Variants in SIPA1L1 observed in about 807,000 individuals in gnomAD.
SIPA1L1 encodes signal-induced proliferation-associated 1-like protein 1.
Under a neutral mutation model 162.7 loss-of-function variants are expected in SIPA1L1, and 26 were observed. The ratio of observed to expected loss-of-function variants is 0.16; its 90% CI spans 0.12 to 0.22. The LOEUF (loss-of-function observed/expected upper bound fraction) is 0.22. Among genes scored for constraint, SIPA1L1 ranks in the 10% least tolerant of loss-of-function variants. The pLI, the probability that SIPA1L1 is intolerant of heterozygous loss-of-function variation, is 1.00. For synonymous variants in SIPA1L1, 829 were observed against 837.4 expected, an observed-to-expected ratio of 0.99 and a Z score of 0.17; for missense variants, 1,874 against 2,241.0, an observed-to-expected ratio of 0.84 and a Z score of 3.31.
At chr14:71,700,175 G>A (rs2081976190) in intron 14 of SIPA1L1, among the ~76,000 whole-genome samples, 2 of 152,174 alleles carry the variant, frequency 1.3e-5, no homozygotes, top group African/African-American at 4.8e-5. Flanking sequence ...TTTAAAACCA[G>A]AGGGCCAGAA....
In SIPA1L1 at chr14:71,724,709, G is replaced by T. The variant is rs1196551658; in HGVS notation, c.4488G>T (p.Arg1496Ser). ...ATGGCAATGAAATAGCCCACACCAG[G>T]CTGCGTGCCTCAACCAGAGACCTCC... ...QSDGNEIAHTRLRASTRDLRA... is the reference protein window; with the variant it reads ...QSDGNEIAHTSLRASTRDLRA... Residue 1496 changes from arginine (R) to serine (S), a missense_variant, in exon 19 of 24, where the codon AGG (arginine) becomes AGT (serine). Physicochemically the swap from Arg to Ser is moderately radical, Grantham distance 110. This residue lies in a region of SIPA1L1 where 936 missense variants were observed against 1,051.9 expected (regional missense o/e 0.89). Transcript: ENST00000381232. 1 of 1,614,096 alleles carries T rather than the reference G, an allele frequency of 6.2e-7. No homozygotes were observed.
chr14:71,392,768 C>T (rs578133882), intron 2 of SIPA1L1, among the ~76,000 whole-genome samples: 18 of 152,266 alleles, frequency 1.2e-4, no homozygotes, highest in Admixed American at 2.6e-4. Flanking sequence ...CTCCTAACCT[C>T]GTGATCTGCC....
intron 5 of SIPA1L1, among the ~76,000 whole-genome samples, chr14:71,618,487 C>A (rs1372651389): frequency 6.6e-6 from 1 of 152,132 alleles, no homozygotes; most frequent in Non-Finnish European, 1.5e-5. Context: ...GGAGAAAATA[C>A]AAATTTATTT....
chr14:71,611,554 C>T (rs574298181), intron 5 of SIPA1L1, among the ~76,000 whole-genome samples: 1 of 146,362 alleles, frequency 6.8e-6, no homozygotes, highest in South Asian at 2.1e-4. Flanking sequence ...TAATCCTCCC[C>T]TTGACCCCCA....
At position 71,636,167 on chromosome 14, in the gene SIPA1L1, G is replaced by A. The variant is rs536555097; in HGVS notation, c.1818+11931G>A. Among the ~76,000 whole-genome samples the A allele has an allele frequency of 7.9e-5, 12 of 152,282 alleles. No individual in the cohort carries two copies. The South Asian group carries it at 2.5e-3, about 32-fold the overall frequency. ...GAAAGGAAAACTAGACAGAAAATCAGCAAAGACATAGAACTTCACAACATC... is the reference window on the plus strand; with the variant it reads ...GAAAGGAAAACTAGACAGAAAATCAACAAAGACATAGAACTTCACAACATC... On this transcript the variant is annotated intron_variant, in intron 7 of 23. Coordinates refer to ENST00000381232, the MANE Select transcript of SIPA1L1 (RefSeq NM_001386936.1).
chr14:71,549,193 A>G (rs2055550784), intron 4 of SIPA1L1, among the ~76,000 whole-genome samples: 1 of 152,226 alleles, frequency 6.6e-6, no homozygotes. Flanking sequence ...CAGGGGGCCC[A>G]CAGTGACAGG....
In SIPA1L1 at chr14:71,493,193, A is replaced by G. The variant is rs1016505699; in HGVS notation, c.-464-19550A>G. ...CTGCAGCCTTGAACTCCTGGGCCCA[A>G]GCAATTTTCCTGCCTCAGCCTCCTG... On this transcript the variant is annotated intron_variant, in intron 2 of 23. Coordinates refer to ENST00000381232, the MANE Select transcript of SIPA1L1 (RefSeq NM_001386936.1). Among the ~76,000 whole-genome samples the G allele has an allele frequency of 2.6e-5, 4 of 152,044 alleles. No homozygotes were observed. In the South Asian group the frequency reaches 8.3e-4, roughly 32 times the overall value.
chr14:71,379,649 A>G (rs1007531231), intron 2 of SIPA1L1: 2 of 152,270 alleles, frequency 1.3e-5, no homozygotes, highest in Non-Finnish European at 2.9e-5. Flanking sequence ...TTTAAAATAT[A>G]AAACACTAAT....
chr14:71,518,743 C>G (rs1229080975), intron 3 of SIPA1L1, among the ~76,000 whole-genome samples: 3 of 152,010 alleles, frequency 2.0e-5, no homozygotes, highest in Non-Finnish European at 2.9e-5. Context: ...GAGTTCAGCA[C>G]CAGCCTGGGC....
chr14:71,567,363 A>G (rs372689319), intron 4 of SIPA1L1, among the ~76,000 whole-genome samples: 14 of 152,362 alleles, frequency 9.2e-5, no homozygotes, highest in African/African-American at 3.1e-4. Flanking sequence ...ACATCAGTCA[A>G]CAAATTCTGG....
intron 2 of SIPA1L1, among the ~76,000 whole-genome samples, chr14:71,353,862 G>T (rs1006949960): frequency 6.6e-6 from 1 of 151,960 alleles, no homozygotes. Flanking sequence ...ACGGGCAGAA[G>T]GTGCAGAAGA....
intron 7 of SIPA1L1, among the ~76,000 whole-genome samples, chr14:71,645,957 T>A (rs138526537): frequency 4.3e-4 from 66 of 152,304 alleles, no homozygotes; most frequent in Middle Eastern, 6.8e-3. Context: ...TTCATAAGAA[T>A]GTAAGAATTG....
chr14:71,719,062 C>G (rs1258886137), intron 17 of SIPA1L1, among the ~76,000 whole-genome samples: 1 of 152,092 alleles, frequency 6.6e-6, no homozygotes, highest in Non-Finnish European at 1.5e-5. Flanking sequence ...CCTCAGCCCC[C>G]CAAGTAGCTG....
chr14:71,347,380 G>T (rs2036277635), intron 2 of SIPA1L1, among the ~76,000 whole-genome samples: 1 of 151,924 alleles, frequency 6.6e-6, no homozygotes, highest in Admixed American at 6.6e-5. Flanking sequence ...ATAACATTTT[G>T]TTTTTTTCTG....
At chr14:71,471,791 G>A (rs1296211601) in intron 2 of SIPA1L1, among the ~76,000 whole-genome samples, 1 of 152,188 alleles carries the variant, frequency 6.6e-6, no homozygotes, top group African/African-American at 2.4e-5. Flanking sequence ...TGGGAGAGAT[G>A]TTATCTAGAG....
Position 71,557,850 on chromosome 14 carries a change from T to C in SIPA1L1, c.-303+28480T>C, listed in dbSNP as rs529740340. Among the ~76,000 whole-genome samples the C allele has an allele frequency of 1.6e-4, 25 of 152,332 alleles. No homozygotes were observed. In the South Asian group the frequency reaches 5.0e-3, roughly 30 times the overall value. On this transcript the variant is annotated intron_variant, in intron 4 of 23. Transcript: ENST00000381232. ...TGATAACTGCTATATTTCTAATTTG[T>C]ACAAGTTCAATTTTTTAGAAATATA... is the stretch of plus-strand genomic sequence containing the variant.
chr14:71,455,419 T>C (rs917109104), intron 2 of SIPA1L1, among the ~76,000 whole-genome samples: 1 of 152,224 alleles, frequency 6.6e-6, no homozygotes, highest in African/African-American at 2.4e-5. Flanking sequence ...TGCTTGTTTA[T>C]AGTTTAGAAT....
At chr14:71,701,539 G>T (rs955780920) in intron 14 of SIPA1L1, among the ~76,000 whole-genome samples, 3 of 151,978 alleles carry the variant, frequency 2.0e-5, no homozygotes, top group Admixed American at 2.0e-4. Context: ...TTATTATATG[G>T]ATTATGCATA....
At chr14:71,400,649 G>T (rs1040120735) in intron 2 of SIPA1L1, 12 of 150,828 alleles carry the variant, frequency 8.0e-5, no homozygotes, top group Admixed American at 3.3e-4. Context: ...ACATATATAT[G>T]TTAATATGTA....
Sources: allele counts gnomAD v4.1 joint callset (sites outside exome capture counted in the v4.1 genomes callset), GRCh38; gene constraint gnomAD v4.1.1; regional missense constraint gnomAD v4.1.1; transcripts MANE v1.5; gene names NCBI Gene and HGNC (gene_info 2026-07-23, HGNC 2026-07-21).